The following ATP7A variants were observed in gnomAD, a reference collection of about 807,000 sequenced individuals.
ATP7A encodes the protein ATPase copper transporting alpha, also known as copper-transporting ATPase 1.
In ATP7A, 7 loss-of-function variants were observed where a neutral mutation model predicts 83.5. The observed-to-expected ratio is 0.08, with a 90% CI of 0.05 to 0.16. The LOEUF (loss-of-function observed/expected upper bound fraction) is 0.16, where lower values mean the gene tolerates loss of function less well. Among genes scored for constraint, ATP7A ranks in the 10% least tolerant of loss-of-function variants. The probability of loss-of-function intolerance (pLI) is 1.00; values close to 1 mark genes in which losing one functional copy is unlikely to be tolerated. For missense variants in ATP7A, 940 were observed against 1,120.8 expected (o/e 0.84, Z 2.30); for synonymous variants, 354 against 395.2 (o/e 0.90, Z 1.24).
At chrX:77,959,876 A>G (rs1557227871) in intron 1 of ATP7A, among the ~76,000 whole-genome samples, 2 of 112,076 alleles carry the variant, frequency 1.8e-5, no homozygotes, top group Non-Finnish European at 3.8e-5. Flanking sequence ...TAATATATGC[A>G]TATTTTCAAC....
At chrX:78,001,746 C>G (rs181659414) in intron 5 of ATP7A, among the ~76,000 whole-genome samples, 43 of 110,781 alleles carry the variant, frequency 3.9e-4, no homozygotes, top group African/African-American at 1.4e-3. Context: ...CTAGAAAGAA[C>G]TTCTATTTTT....
At chrX:77,996,889 A>ATT (rs1192702959) in intron 4 of ATP7A, among the ~76,000 whole-genome samples, 1 of 107,941 alleles carries the variant, frequency 9.3e-6, no homozygotes, top group African/African-American at 3.4e-5. Flanking sequence ...AACCAAAGTG[A>ATT]TTTTTTTTTT....
intron 1 of ATP7A, among the ~76,000 whole-genome samples, chrX:77,948,029 C>A (rs1035707233): frequency 9.1e-6 from 1 of 110,076 alleles, no homozygotes; most frequent in East Asian, 2.8e-4. Flanking sequence ...CGTGAGCCAC[C>A]ATGCCTGGCC....
At chrX:78,039,389 A>G (rs1557238082) in intron 18 of ATP7A, among the ~76,000 whole-genome samples, 1 of 110,775 alleles carries the variant, frequency 9.0e-6, no homozygotes, top group African/African-American at 3.3e-5. Context: ...ACTGGAGTGC[A>G]ATGATGTGAT....
At chrX:78,040,522 T>G in intron 18 of ATP7A, 69 bp from the exon 19 acceptor site, 1 of 1,158,534 alleles carries the variant, frequency 8.6e-7, no homozygotes, top group Non-Finnish European at 1.2e-6. Context: ...TTCTGAAATT[T>G]CAAGTCAAAA....
intron 4 of ATP7A, among the ~76,000 whole-genome samples, chrX:77,993,798 C>T (rs1416913184): frequency 9.0e-6 from 1 of 111,289 alleles, no homozygotes; most frequent in Non-Finnish European, 1.9e-5. Context: ...TAAGTACACT[C>T]TATGATGTTC....
intron 11 of ATP7A, among the ~76,000 whole-genome samples, chrX:78,015,443 A>G (rs1318958229): frequency 8.9e-6 from 1 of 112,435 alleles, no homozygotes; most frequent in Non-Finnish European, 1.9e-5. Flanking sequence ...ATACTAATAA[A>G]ATTGTTTAGG....
At chrX:77,962,642 C>A in intron 1 of ATP7A, 1 of 377,378 alleles carries the variant, frequency 2.6e-6, no homozygotes, top group South Asian at 2.3e-5. Context: ...CAGCATCTTC[C>A]CTGGGCATTG....
intron 6 of ATP7A, among the ~76,000 whole-genome samples, chrX:78,006,001 A>G (rs2077773261): frequency 8.9e-6 from 1 of 112,156 alleles, no homozygotes; most frequent in Non-Finnish European, 1.9e-5. Context: ...AGTTCACAGA[A>G]AAGCAAAAAC....
rs188221119 is a variant in ATP7A, at chrX:77,938,187, G to A, written c.-22+27352G>A. 1.1e-3 allele frequency among the ~76,000 whole-genome samples: 118 copies of A among 111,995 alleles called. 1 individual carries two copies. Among genetic ancestry groups the A allele is most frequent in the South Asian group, 7.9e-3 (22 of 2,769 alleles). On this transcript the variant is annotated intron_variant, in intron 1 of 22. Transcript: ENST00000341514. ...ACACACACATTTATTTATCGTAAGC[G>A]TCTTACTTTACTGGAATTTGCTGGT...
chrX:77,916,003 G>C lies in ATP7A; in HGVS notation c.-22+5168G>C, dbSNP rs1306432385. Among the ~76,000 whole-genome samples, 3 of 111,812 alleles carry C rather than the reference G, an allele frequency of 2.7e-5. No individual in the cohort carries two copies. In the Admixed American group the frequency reaches 2.8e-4, roughly 11 times the overall value. ...CCCAAAGTGCTGGGATTACAGGTTT[G>C]AGCTACCGCTCCCGGCCCTGCCACC... On this transcript the variant is annotated intron_variant, in intron 1 of 22. Coordinates refer to ENST00000341514, the MANE Select transcript of ATP7A (RefSeq NM_000052.7).
chrX:77,994,587 C>T (rs782039344), intron 4 of ATP7A, among the ~76,000 whole-genome samples: 271 of 109,585 alleles, frequency 2.5e-3, no homozygotes, highest in Non-Finnish European at 4.4e-3. Context: ...TTGCCCAGGC[C>T]GGAGTGCAGT....
At chrX:77,983,245 G>C (rs2077614384) in intron 2 of ATP7A, among the ~76,000 whole-genome samples, 1 of 112,090 alleles carries the variant, frequency 8.9e-6, no homozygotes, top group Non-Finnish European at 1.9e-5. Context: ...CTAAGAAGTG[G>C]TAGTAACATA....
At chrX:78,012,840 A>AT (rs782383267) in intron 9 of ATP7A, 39 bp from the exon 10 acceptor site, 3 of 1,091,119 alleles carry the variant, frequency 2.7e-6, no homozygotes, top group African/African-American at 3.6e-5. Context: ...GAATTTCAGC[A>AT]TTTTTTAAAA....
At chrX:78,006,885 G>A (rs1176713854) in intron 6 of ATP7A, among the ~76,000 whole-genome samples, 1 of 112,025 alleles carries the variant, frequency 8.9e-6, no homozygotes, top group African/African-American at 3.2e-5. Flanking sequence ...ACTACATTTT[G>A]TTGATTTAGT....
intron 7 of ATP7A, among the ~76,000 whole-genome samples, 196 bp from the exon 8 acceptor site, chrX:78,010,980 A>G (rs2077818942): frequency 9.0e-6 from 1 of 111,599 alleles, no homozygotes; most frequent in Non-Finnish European, 1.9e-5. Context: ...AGCATTAAGG[A>G]AATATTTATT....
chrX:77,922,177 G>A (rs2077219584), intron 1 of ATP7A, among the ~76,000 whole-genome samples: 1 of 110,674 alleles, frequency 9.0e-6, no homozygotes, highest in African/African-American at 3.3e-5. Flanking sequence ...AAAGAAACAT[G>A]CTGTAAAATA....
intron 12 of ATP7A, among the ~76,000 whole-genome samples, chrX:78,018,103 C>A (rs1557235368): frequency 9.2e-6 from 1 of 108,711 alleles, no homozygotes; most frequent in Admixed American, 9.9e-5. Context: ...TAAAGCATAG[C>A]ATGAGGGACC....
chrX:77,988,323 G>C lies in ATP7A; in HGVS notation c.202G>C (p.Asp68His). 8.3e-7 allele frequency: 1 copy of C among 1,205,403 alleles called. No homozygotes were observed. Among genetic ancestry groups the C allele is most frequent in the Non-Finnish European group, 1.1e-6 (1 of 892,117 alleles). ...AAAGACCCTACAGGAAGCTATTGAT[G>C]ACATGGGCTTTGATGCTGTTATCCA... ...TPKTLQEAIDDMGFDAVIHNP... is the reference protein window; with the variant it reads ...TPKTLQEAIDHMGFDAVIHNP... Residue 68 changes from aspartate (D) to histidine (H), a missense_variant, in exon 3 of 23, where the codon GAC becomes CAC. This residue lies in a region of ATP7A where 350 missense variants were observed against 432.8 expected (regional missense o/e 0.81). Transcript: ENST00000341514.
Sources: allele counts gnomAD v4.1 joint callset (sites outside exome capture counted in the v4.1 genomes callset), GRCh38; gene constraint gnomAD v4.1.1; regional missense constraint gnomAD v4.1.1; transcripts MANE v1.5; gene names NCBI Gene and HGNC (gene_info 2026-07-23, HGNC 2026-07-21).